CELF2: variants seen among roughly 807,000 people sequenced by gnomAD.
The protein encoded by CELF2 is CUGBP Elav-like family member 2, also known as CUG triplet repeat RNA-binding protein 2.
Under a neutral mutation model 62.6 loss-of-function variants are expected in CELF2, and 8 were observed. The observed-to-expected ratio is 0.13, with a 90% CI of 0.07 to 0.23. CELF2 has a LOEUF of 0.23. Ranked by LOEUF, CELF2 falls within the 10% of genes least tolerant of loss-of-function variation. CELF2 has a pLI of 1.00. For synonymous variants in CELF2, 258 were observed against 250.0 expected, an observed-to-expected ratio of 1.03 and a Z score of -0.30; for missense variants, 333 against 671.0, an observed-to-expected ratio of 0.50 and a Z score of 5.56.
rs777874472 is a variant in CELF2 at position 11,080,190 on chromosome 10, CAT to C, written c.74+62029_74+62030del. On this transcript the variant is annotated intron_variant, in intron 1 of 12. Coordinates refer to ENST00000633077, the MANE Select transcript of CELF2 (RefSeq NM_001326342.2). ...TTCCTCATTTTAAAAATGGAAATAA[CAT>C]AGGTTTATTGTGAGAATTAAGTGAG... 7.9e-4 allele frequency among the ~76,000 whole-genome samples: 121 copies of C among 152,276 alleles called. 2 individuals carry two copies. The highest frequency in any genetic ancestry group is 1.5e-3 in the Non-Finnish European group (101 of 68,014).
chr10:11,258,445 G>A (rs573551020), intron 5 of CELF2, among the ~76,000 whole-genome samples: 7 of 152,282 alleles, frequency 4.6e-5, no homozygotes, highest in South Asian at 2.1e-4. Flanking sequence ...ACAGAAAAGC[G>A]ACTTTACCCT....
intron 1 of CELF2, among the ~76,000 whole-genome samples, chr10:10,803,399 C>G (rs773166923): frequency 6.6e-6 from 1 of 152,200 alleles, no homozygotes. Flanking sequence ...TGGTCTTTCT[C>G]TTTCTCAGTT....
intron 2 of CELF2, among the ~76,000 whole-genome samples, chr10:10,949,678 G>A (rs965706990): frequency 1.3e-5 from 2 of 151,802 alleles, no homozygotes; most frequent in African/African-American, 2.4e-5. Context: ...GCAGGCACCT[G>A]CAGTCCCAGC....
rs933706447 is a variant in CELF2, at chr10:11,240,444, G to C, written c.355-8709G>C. 2.0e-5 allele frequency among the ~76,000 whole-genome samples: 3 copies of C among 152,188 alleles called. No homozygotes were observed. In the South Asian group the frequency reaches 6.2e-4, roughly 31 times the overall value. On this transcript the variant is annotated intron_variant, in intron 3 of 12. Transcript: ENST00000633077. ...ATTGTTTCCTCTCACACTTCTCAGCGTCTATGTAGAACATTTCAGACAGCT... is the reference window on the plus strand; with the variant it reads ...ATTGTTTCCTCTCACACTTCTCAGCCTCTATGTAGAACATTTCAGACAGCT...
At chr10:10,956,102 G>T (rs926430381) in intron 2 of CELF2, among the ~76,000 whole-genome samples, 6 of 152,202 alleles carry the variant, frequency 3.9e-5, no homozygotes, top group African/African-American at 1.4e-4. Context: ...GTCTTATATG[G>T]ATGGGTCTGT....
At chr10:11,241,752 G>T (rs535410248) in intron 3 of CELF2, among the ~76,000 whole-genome samples, 1 of 152,262 alleles carries the variant, frequency 6.6e-6, no homozygotes, top group East Asian at 1.9e-4. Flanking sequence ...ACTCATGAGG[G>T]AGACAGGCAA....
At chr10:11,052,994 G>GTT (rs962861534) in intron 1 of CELF2, among the ~76,000 whole-genome samples, 3 of 149,792 alleles carry the variant, frequency 2.0e-5, no homozygotes, top group Admixed American at 2.0e-4. Context: ...TACAGCCTGA[G>GTT]TTTTTTTTTT....
chr10:10,765,012 G>T, the CELF2 span, among the ~76,000 whole-genome samples: 1 of 152,222 alleles, frequency 6.6e-6, no homozygotes, highest in African/African-American at 2.4e-5. Context: ...GGAATGAAAA[G>T]AGAGAGAAGC....
At chr10:10,843,588 T>C (rs2058822867) in intron 1 of CELF2, among the ~76,000 whole-genome samples, 1 of 152,056 alleles carries the variant, frequency 6.6e-6, no homozygotes, top group South Asian at 2.1e-4. Flanking sequence ...TGGCTCATAA[T>C]GGGATCTATC....
chr10:11,199,942 A>T (rs1164626875), intron 2 of CELF2, among the ~76,000 whole-genome samples: 2 of 152,212 alleles, frequency 1.3e-5, no homozygotes, highest in African/African-American at 4.8e-5. Context: ...TAACACCCAG[A>T]TATGCCCCGG....
chr10:11,074,061 G>T (rs1263311744), intron 1 of CELF2, among the ~76,000 whole-genome samples: 1 of 152,128 alleles, frequency 6.6e-6, no homozygotes, highest in Non-Finnish European at 1.5e-5. Flanking sequence ...TAAATCCTTG[G>T]ACACATCAAG....
intron 1 of CELF2, among the ~76,000 whole-genome samples, chr10:11,132,739 G>A (rs1204072775): frequency 2.0e-5 from 3 of 152,182 alleles, no homozygotes; most frequent in Non-Finnish European, 2.9e-5. Flanking sequence ...AAGTGACACA[G>A]TGTTACATAA....
intron 3 of CELF2, among the ~76,000 whole-genome samples, chr10:11,225,370 A>G (rs2066155449): frequency 6.6e-6 from 1 of 152,176 alleles, no homozygotes; most frequent in Non-Finnish European, 1.5e-5. Context: ...CTTGATCTGC[A>G]AAACAAAAAT....
chr10:10,761,329 T>A, the CELF2 span, among the ~76,000 whole-genome samples: 1 of 152,278 alleles, frequency 6.6e-6, no homozygotes, highest in East Asian at 1.9e-4. Context: ...AGAAAAAGAT[T>A]ATACAATGAG....
the CELF2 span, among the ~76,000 whole-genome samples, chr10:10,462,615 C>CTTTTTTTTTTTTTTTTTTTTTTTTTTTTT: frequency 1.4e-5 from 1 of 69,414 alleles, no homozygotes; most frequent in African/African-American, 5.7e-5. Flanking sequence ...TTTTTTTCAT[C>CTTTTTTTTTTTTTTTTTTTTTTTTTTTTT]TTTTTTTTTT....
At position 11,211,807 on chromosome 10, in the gene CELF2, AGAGAGAGTGTGTGTGTGTGTGTGT is replaced by A. The variant is rs958578347; in HGVS notation, c.272-5616_272-5593del. 3.3e-5 allele frequency among the ~76,000 whole-genome samples: 4 copies of A among 120,636 alleles called. No individual in the cohort carries two copies. Among genetic ancestry groups the A allele is most frequent in the African/African-American group, 1.4e-4 (4 of 28,060 alleles). 79.1% of individuals were successfully genotyped at this position (120,636 alleles called of 152,430 possible). A position where few individuals can be genotyped will look rare whatever the true frequency, so the allele number is the denominator to read the frequency against. The stretch of plus-strand genomic sequence containing the variant: ...GTATGTGTGTGAGAGAGAGAGAGAG[AGAGAGAGTGTGTGTGTGTGTGTGT>A]GTGTGTGTGTGTGTGTGTGTGTGTA... On this transcript the variant is annotated intron_variant, in intron 2 of 12. Transcript: ENST00000633077. The surrounding 1 kb of genome is among the most constrained non-coding windows in gnomAD (Gnocchi z 4.8).
chr10:10,484,692 G>A, the CELF2 span, among the ~76,000 whole-genome samples: 4 of 152,178 alleles, frequency 2.6e-5, no homozygotes, highest in African/African-American at 9.6e-5. Flanking sequence ...TCAATGTGGA[G>A]CTGGTCATGT....
chr10:10,487,399 G>A, the CELF2 span, among the ~76,000 whole-genome samples: 2 of 152,252 alleles, frequency 1.3e-5, no homozygotes, highest in South Asian at 2.1e-4. Context: ...ACAGCAGCCT[G>A]GTTGATTTTG....
chr10:10,583,047 G>A, the CELF2 span, among the ~76,000 whole-genome samples: 2 of 152,136 alleles, frequency 1.3e-5, no homozygotes, highest in Admixed American at 6.5e-5. Flanking sequence ...AAAGAAAGAT[G>A]GAAGAAATAG....
Sources: gnomAD v4.1 joint callset for allele counts (sites outside exome capture counted in the v4.1 genomes callset) on GRCh38, gnomAD v4.1.1 for gene constraint, Gnocchi (gnomAD v3.1) non-coding constraint, MANE v1.5 for transcripts, NCBI Gene and HGNC (gene_info 2026-07-23, HGNC 2026-07-21) for gene names.